Variants in WWC2 observed in about 807,000 individuals in gnomAD.
The protein encoded by WWC2 is WW and C2 domain containing 2, also known as protein WWC2.
A neutral mutation model predicts 138.5 loss-of-function variants in WWC2; 101 were observed. The observed-to-expected ratio is 0.73, with a 90% confidence interval of 0.62 to 0.86. WWC2 has a LOEUF of 0.86. Ranked by LOEUF, WWC2 falls within the 40% of genes least tolerant of loss-of-function variation. WWC2 has a pLI of 0.00. For missense variants in WWC2, 1,420 were observed against 1,419.4 expected (o/e 1.00, Z -0.01); for synonymous variants, 558 against 538.4 (o/e 1.04, Z -0.50).
At chr4:183,232,851 T>G (rs952021968) in intron 4 of WWC2, among the ~76,000 whole-genome samples, 1 of 152,094 alleles carries the variant, frequency 6.6e-6, no homozygotes, top group Non-Finnish European at 1.5e-5. Flanking sequence ...TTTTGCTATG[T>G]TGGTCAGGCT....
intron 20 of WWC2, 94 bp downstream of exon 20, chr4:183,286,153 A>C: frequency 4.2e-6 from 5 of 1,198,474 alleles, no homozygotes; most frequent in Non-Finnish European, 4.8e-6. Context: ...AATGAATGTC[A>C]GTGCTCCATG....
At chr4:183,269,863 C>T in intron 15 of WWC2, 1 of 178,594 alleles carries the variant, frequency 5.6e-6, no homozygotes. Context: ...GAGTTTAATA[C>T]ACTGTTGTGC....
At chr4:183,111,552 T>C (rs760302825) in intron 1 of WWC2, among the ~76,000 whole-genome samples, 1 of 152,184 alleles carries the variant, frequency 6.6e-6, no homozygotes, top group Non-Finnish European at 1.5e-5. Flanking sequence ...GTACATAGTA[T>C]CACTGGGTTA....
At position 183,269,102 on chromosome 4, in the gene WWC2, A is replaced by G; in HGVS notation, c.2339A>G (p.Gln780Arg). The G allele has an allele frequency of 6.2e-7, 1 of 1,613,914 alleles. No individual in the cohort carries two copies. The highest frequency in any genetic ancestry group is 8.5e-7 in the Non-Finnish European group (1 of 1,179,878). ...FRVAISQTAL[Q>R]QKTLRVDLCS... ...GTCGCCATTTCCCAAACAGCCTTAC[A>G]ACAGAAGACACTGAGGGTAGACCTT... The change falls in exon 15 of 23, where the codon CAA becomes CGA. Residue 780 changes from glutamine (Q) to arginine (R), a missense_variant. Transcript: ENST00000403733.
intron 7 of WWC2, 86 bp downstream of exon 7, chr4:183,248,946 T>C: frequency 1.6e-6 from 2 of 1,289,412 alleles, no homozygotes; most frequent in Non-Finnish European, 2.1e-6. Flanking sequence ...GAACCAGAAG[T>C]ATATGTGACT....
intron 16 of WWC2, 105 bp from the exon 17 acceptor site, chr4:183,280,671 G>A: frequency 1.6e-6 from 2 of 1,237,514 alleles, no homozygotes; most frequent in South Asian, 3.1e-5. Context: ...CAGCAGGAGA[G>A]TTGAGTCGTC....
chr4:183,137,104 C>T (rs1299550842), intron 1 of WWC2, among the ~76,000 whole-genome samples: 7 of 152,216 alleles, frequency 4.6e-5, no homozygotes, highest in East Asian at 3.9e-4. Flanking sequence ...GAGTCAGTGG[C>T]GAGTGACTGT....
intron 17 of WWC2, among the ~76,000 whole-genome samples, chr4:183,282,061 G>A (rs1580144813): frequency 6.6e-6 from 1 of 152,152 alleles, no homozygotes; most frequent in East Asian, 1.9e-4. Context: ...AAGAATGTCT[G>A]CATTCGGAGA....
intron 20 of WWC2, among the ~76,000 whole-genome samples, chr4:183,287,740 G>T (rs1045467472): frequency 6.6e-6 from 1 of 152,226 alleles, no homozygotes; most frequent in Non-Finnish European, 1.5e-5. Context: ...AGCGCCAAGT[G>T]TGTGAGTGAT....
At chr4:183,251,029 T>G (rs1736963320) in intron 8 of WWC2, among the ~76,000 whole-genome samples, 1 of 152,182 alleles carries the variant, frequency 6.6e-6, no homozygotes, top group East Asian at 1.9e-4. Flanking sequence ...AAACCTAAGC[T>G]TCATTCCACA....
intron 1 of WWC2, among the ~76,000 whole-genome samples, chr4:183,131,422 G>A (rs1301215602): frequency 6.6e-6 from 1 of 152,018 alleles, no homozygotes; most frequent in East Asian, 1.9e-4. Context: ...GGATGATGCC[G>A]CTAAGAAAAC....
rs763594719 is a variant in WWC2, at chr4:183,312,478, C to A, written c.3512+10C>A. ...AGGTGCAGTCCTTCAGGTGAATAGCCCCATCCAGGACAGCTTTTGGGTTGC... is the reference window on the plus strand; with the variant it reads ...AGGTGCAGTCCTTCAGGTGAATAGCACCATCCAGGACAGCTTTTGGGTTGC... On this transcript the variant is annotated intron_variant, in intron 22 of 22. Coordinates refer to ENST00000403733, the MANE Select transcript of WWC2 (RefSeq NM_024949.6). 9.3e-6 allele frequency: 15 copies of A among 1,613,102 alleles called. No homozygotes were observed. The South Asian group carries it at 1.5e-4, about 17-fold the overall frequency.
intron 1 of WWC2, among the ~76,000 whole-genome samples, chr4:183,171,732 G>A (rs997115578): frequency 6.6e-6 from 1 of 152,116 alleles, no homozygotes; most frequent in African/African-American, 2.4e-5. Context: ...CTCTACAGTC[G>A]ACCACATTTA....
chr4:183,263,327 A>G (rs970146420), intron 11 of WWC2, among the ~76,000 whole-genome samples: 2 of 152,130 alleles, frequency 1.3e-5, no homozygotes, highest in African/African-American at 2.4e-5. Context: ...AAAGTTGCCT[A>G]AAGTCTGTCA....
chr4:183,155,221 A>AGAGAGAGAGAGTGAGT (rs61543148), intron 1 of WWC2, among the ~76,000 whole-genome samples: 47 of 135,282 alleles, frequency 3.5e-4, no homozygotes, highest in African/African-American at 1.2e-3. Context: ...AGAGAGAGAG[A>AGAGAGAGAGAGTGAGT]GAGTTAGTTG....
chr4:183,277,017 A>G (rs998585711), intron 16 of WWC2, among the ~76,000 whole-genome samples: 21 of 151,126 alleles, frequency 1.4e-4, no homozygotes, highest in African/African-American at 4.6e-4. Flanking sequence ...TTTAGGGTAC[A>G]TGTGCACATT....
chr4:183,276,655 TATTC>T (rs1441487016), intron 16 of WWC2, among the ~76,000 whole-genome samples: 1 of 152,138 alleles, frequency 6.6e-6, no homozygotes, highest in Non-Finnish European at 1.5e-5. Flanking sequence ...TGACAGTTAG[TATTC>T]ATTCAGATTT....
At chr4:183,121,601 T>C (rs183742561) in intron 1 of WWC2, among the ~76,000 whole-genome samples, 169 of 152,248 alleles carry the variant, frequency 1.1e-3, no homozygotes, top group African/African-American at 4.0e-3. Flanking sequence ...TTATGGAGGT[T>C]GTACCAATAT....
At chr4:183,211,498 G>A (rs890621680) in intron 4 of WWC2, among the ~76,000 whole-genome samples, 1 of 152,144 alleles carries the variant, frequency 6.6e-6, no homozygotes, top group Non-Finnish European at 1.5e-5. Flanking sequence ...ATATAATCAT[G>A]ATTTGAGCTG....
Sources: allele counts gnomAD v4.1 joint callset (sites outside exome capture counted in the v4.1 genomes callset), GRCh38; gene constraint gnomAD v4.1.1; transcripts MANE v1.5; gene names NCBI Gene and HGNC (gene_info 2026-07-23, HGNC 2026-07-21).